AARS1: variants seen among roughly 807,000 people sequenced by gnomAD.
AARS1 encodes the protein alanyl-tRNA synthetase 1.
In AARS1, 72 loss-of-function variants were observed where a neutral mutation model predicts 108.9. The observed-to-expected ratio is 0.66, with a 90% CI of 0.55 to 0.80. AARS1 has a LOEUF of 0.80. Ranked by LOEUF, AARS1 falls within the 30% of genes least tolerant of loss-of-function variation. The pLI is 0.00. For synonymous variants in AARS1, 489 were observed against 465.7 expected, an observed-to-expected ratio of 1.05 and a Z score of -0.64; for missense variants, 1,193 against 1,233.2, an observed-to-expected ratio of 0.97 and a Z score of 0.49.
At position 70,268,253 on chromosome 16, in the gene AARS1, G is replaced by T; in HGVS notation, c.1071+18C>A. On this transcript the variant is annotated intron_variant, in intron 8 of 20. Coordinates refer to ENST00000261772, the MANE Select transcript of AARS1 (RefSeq NM_001605.3). ...GGACTGCTTTAGCACAGAAGGGTAAGCAGAGAAATAAACCTACCAGGGACT... is the reference window on the plus strand; with the variant it reads ...GGACTGCTTTAGCACAGAAGGGTAATCAGAGAAATAAACCTACCAGGGACT... 6.2e-7 allele frequency: 1 copy of T among 1,607,362 alleles called. No homozygotes were observed. Among genetic ancestry groups the T allele is most frequent in the East Asian group, 2.2e-5 (1 of 44,848 alleles).
At chr16:70,271,729 C>G in intron 5 of AARS1, 52 bp downstream of exon 5, 1 of 1,577,638 alleles carries the variant, frequency 6.3e-7, no homozygotes, top group Non-Finnish European at 8.7e-7. Flanking sequence ...CTCCGAGTTC[C>G]TCCTCCCCTG....
intron 9 of AARS1, among the ~76,000 whole-genome samples, chr16:70,266,504 A>G (rs1381449000): frequency 6.7e-6 from 1 of 150,066 alleles, no homozygotes; most frequent in Non-Finnish European, 1.5e-5. Context: ...TCAAAAACAA[A>G]AACAACCTCA....
chr16:70,277,804 G>A (rs1235716634), intron 2 of AARS1, among the ~76,000 whole-genome samples: 1 of 150,042 alleles, frequency 6.7e-6, no homozygotes, highest in Non-Finnish European at 1.5e-5. Context: ...CCAGGCTGGA[G>A]TACAGTGGCA....
At chr16:70,253,425 C>T in intron 19 of AARS1, 44 bp from the exon 20 acceptor site, 4 of 1,482,546 alleles carry the variant, frequency 2.7e-6, no homozygotes, top group Non-Finnish European at 3.8e-6. Context: ...GGAGCAGGGA[C>T]CCTCACTAGT....
chr16:70,276,886 T>C (rs2152166903), intron 3 of AARS1, 80 bp downstream of exon 3: 2 of 1,508,000 alleles, frequency 1.3e-6, no homozygotes, highest in Non-Finnish European at 1.8e-6. Flanking sequence ...TTTTAAAACA[T>C]GCAAAATTAG....
intron 17 of AARS1, chr16:70,254,386 C>A: frequency 1.7e-6 from 1 of 593,990 alleles, no homozygotes; most frequent in Non-Finnish European, 3.0e-6. Context: ...CCCCAGTGCC[C>A]ATACATGCTT....
rs758757818 is a variant in AARS1, at chr16:70,267,729, C to T, written c.1152G>A (p.Lys384=). 1 of 1,614,178 alleles carries T rather than the reference C, an allele frequency of 6.2e-7. No individual in the cohort carries two copies. ...GGATGCGACGCCCTCTGCTGAGAGT[C>T]TTGAGAAACTGCACCTCTTCTTCAT... ...IINEEEVQFL[K]TLSRGRRILD... The change falls in exon 9 of 21, where the codon AAG becomes AAA. Residue 384 remains lysine (K), a synonymous_variant. Coordinates refer to ENST00000261772, the MANE Select transcript of AARS1 (RefSeq NM_001605.3).
At chr16:70,262,642 T>C (rs570347327) in intron 11 of AARS1, 118 bp from the exon 12 acceptor site, 33 of 1,112,942 alleles carry the variant, frequency 3.0e-5, no homozygotes, top group East Asian at 2.8e-4. Context: ...AATTGTCCAA[T>C]TGTATTTTGG....
intron 10 of AARS1, 152 bp from the exon 11 acceptor site, chr16:70,265,254 T>C (rs1439892423): frequency 6.3e-6 from 7 of 1,112,116 alleles, no homozygotes; most frequent in Admixed American, 2.0e-5. Flanking sequence ...GATCATTCTC[T>C]GTTGTGGAAA....
intron 4 of AARS1, among the ~76,000 whole-genome samples, chr16:70,272,984 A>G (rs1287297896): frequency 6.6e-6 from 1 of 151,810 alleles, no homozygotes; most frequent in Non-Finnish European, 1.5e-5. Flanking sequence ...TATACAGTAC[A>G]TGAAGTCAAG....
At position 70,254,878 on chromosome 16, in the gene AARS1, C is replaced by T. The variant is rs945052302; in HGVS notation, c.2287-144G>A. On this transcript the variant is annotated intron_variant, in intron 16 of 20. Transcript: ENST00000261772. The stretch of plus-strand genomic sequence containing the variant: ...CAAAAGTGTCTGTGGGGAGTAGGTG[C>T]TGGCAGCCCCAGGCCCCAGCAAGGA... 12 of 669,472 alleles carry T rather than the reference C, an allele frequency of 1.8e-5. No homozygotes were observed. In the East Asian group the frequency reaches 3.4e-4, roughly 19 times the overall value. The allele number at this position is 669,472 out of a possible 1,614,324, so 41.5% of individuals were successfully genotyped here. A position where few individuals can be genotyped will look rare whatever the true frequency, so the allele number is the denominator to read the frequency against.
intron 1 of AARS1, among the ~76,000 whole-genome samples, chr16:70,286,838 G>A (rs1185246447): frequency 2.0e-5 from 3 of 151,494 alleles, no homozygotes; most frequent in African/African-American, 7.3e-5. Flanking sequence ...ATTTTCAGCC[G>A]GGTACAGTGG....
At chr16:70,279,533 A>G (rs900710988) in intron 2 of AARS1, among the ~76,000 whole-genome samples, 1 of 151,166 alleles carries the variant, frequency 6.6e-6, no homozygotes, top group Non-Finnish European at 1.5e-5. Flanking sequence ...GGTGGCAGAC[A>G]CCTATAATCC....
chr16:70,282,269 C>G (rs186475389), intron 2 of AARS1, among the ~76,000 whole-genome samples: 99 of 138,430 alleles, frequency 7.2e-4, no homozygotes, highest in African/African-American at 2.7e-3. Context: ...GCAGAACTTG[C>G]AGTGAGCCGA....
In AARS1 at chr16:70,254,737, G is replaced by A; in HGVS notation, c.2287-3C>T. ...AAGCTCTCTGCTTTCCTGAGGGCCT[G>A]GGAGGGGACACCGGGTCAACCCCAA... On this transcript the variant is annotated splice_polypyrimidine_tract_variant and splice_region_variant and intron_variant, in intron 16 of 20. Transcript: ENST00000261772. The A allele has an allele frequency of 6.2e-7, 1 of 1,600,456 alleles. No homozygotes were observed. Among genetic ancestry groups the A allele is most frequent in the Non-Finnish European group, 8.6e-7 (1 of 1,167,754 alleles).
chr16:70,252,464 G>A lies in AARS1; in HGVS notation c.*257C>T. 4 of 551,264 alleles carry A rather than the reference G, an allele frequency of 7.3e-6. No individual in the cohort carries two copies. The highest frequency in any genetic ancestry group is 3.1e-5 in the Admixed American group (1 of 32,318). The allele number at this position is 551,264 out of a possible 1,614,324, so 34.1% of individuals were successfully genotyped here. Reference sequence around the variant, plus strand: ...CTGACGCGGAAAGCTCAGGTCTGGAGAGCCGTTATCTATAGATGCGAGCGT... The same window carrying A: ...CTGACGCGGAAAGCTCAGGTCTGGAAAGCCGTTATCTATAGATGCGAGCGT... On this transcript the variant is annotated 3_prime_UTR_variant, in exon 21 of 21. Transcript: ENST00000261772.
chr16:70,254,296 C>T, intron 17 of AARS1: 1 of 600,246 alleles, frequency 1.7e-6, no homozygotes, highest in Non-Finnish European at 2.9e-6. Flanking sequence ...GATAAGCTTC[C>T]TGGCAGCTTG....
intron 1 of AARS1, among the ~76,000 whole-genome samples, chr16:70,286,006 C>G (rs1390279908): frequency 6.6e-6 from 1 of 152,166 alleles, no homozygotes; most frequent in Non-Finnish European, 1.5e-5. Flanking sequence ...TGCCAAGAAT[C>G]AAAATGAATG....
At chr16:70,253,531 C>T (rs1002861882) in intron 19 of AARS1, 150 bp from the exon 20 acceptor site, 40 of 1,009,368 alleles carry the variant, frequency 4.0e-5, no homozygotes, top group African/African-American at 2.2e-4. Context: ...ACCCCAGCGC[C>T]GGGCCCTGCC....
Sources: allele counts gnomAD v4.1 joint callset (sites outside exome capture counted in the v4.1 genomes callset), GRCh38; gene constraint gnomAD v4.1.1; transcripts MANE v1.5; gene names NCBI Gene and HGNC (gene_info 2026-07-23, HGNC 2026-07-21).